Variants in DRC11 observed in about 807,000 individuals in gnomAD.
The protein encoded by DRC11 is IQ and AAA domain-containing protein 1.
At chr2:236,343,480 A>G in the DRC11 span, among the ~76,000 whole-genome samples, 1 of 152,236 alleles carries the variant, frequency 6.6e-6, no homozygotes, top group Non-Finnish European at 1.5e-5. The surrounding 1 kb of genome is among the most constrained non-coding windows in gnomAD (Gnocchi z 6.6). Context: ...ACACACAGCC[A>G]GCTGTGTGAA....
chr2:236,370,484 C>T, the DRC11 span, among the ~76,000 whole-genome samples: 2 of 152,050 alleles, frequency 1.3e-5, no homozygotes, highest in African/African-American at 2.4e-5. This position sits in a 1 kb window ranked among gnomAD's most constrained non-coding sequence, Gnocchi z 5.5. Flanking sequence ...CCCTGAGCAG[C>T]GGGCATCCAG....
chr2:236,444,831 G>A, the DRC11 span, among the ~76,000 whole-genome samples: 3 of 152,220 alleles, frequency 2.0e-5, no homozygotes, highest in Non-Finnish European at 2.9e-5. Context: ...GATTCTAGAT[G>A]CAGTGATGGG....
the DRC11 span, among the ~76,000 whole-genome samples, chr2:236,417,573 T>C: frequency 6.6e-6 from 1 of 150,988 alleles, no homozygotes; most frequent in African/African-American, 2.4e-5. Context: ...TTTTTTTTTT[T>C]ATATTACTTT....
the DRC11 span, among the ~76,000 whole-genome samples, chr2:236,487,745 T>C: frequency 2.0e-5 from 3 of 152,256 alleles, no homozygotes; most frequent in African/African-American, 7.2e-5. Flanking sequence ...ATTTCAACAA[T>C]TACCAATGGT....
the DRC11 span, chr2:236,503,550 G>C: frequency 3.0e-6 from 4 of 1,321,746 alleles, no homozygotes; most frequent in Admixed American, 3.9e-5. This position sits in a 1 kb window ranked among gnomAD's most constrained non-coding sequence, Gnocchi z 4.9. Flanking sequence ...GGGAATCCCT[G>C]TCTGGGGGAG....
the DRC11 span, among the ~76,000 whole-genome samples, chr2:236,501,127 A>G: frequency 6.6e-6 from 1 of 152,172 alleles, no homozygotes; most frequent in African/African-American, 2.4e-5. Flanking sequence ...GCAAAGTGGG[A>G]GCAGGCATCT....
the DRC11 span, among the ~76,000 whole-genome samples, chr2:236,410,077 G>T: frequency 4.8e-4 from 73 of 151,570 alleles, no homozygotes; most frequent in African/African-American, 1.5e-3. Context: ...TCTCTTTTTT[G>T]GTTGTGTCTC....
the DRC11 span, among the ~76,000 whole-genome samples, chr2:236,379,914 C>G: frequency 6.6e-6 from 1 of 152,140 alleles, no homozygotes; most frequent in Admixed American, 6.5e-5. Flanking sequence ...GAACCCCCAA[C>G]AGTGGAGCGA....
chr2:236,380,719 TTCTGGGG>T, the DRC11 span: 11 of 1,022,356 alleles, frequency 1.1e-5, no homozygotes, highest in Non-Finnish European at 1.6e-5. The surrounding 1 kb of genome is among the most constrained non-coding windows in gnomAD (Gnocchi z 4.9). Flanking sequence ...GCACGTTGTT[TTCTGGGG>T]GTGGTGGGAG....
chr2:236,439,426 T>C, the DRC11 span, among the ~76,000 whole-genome samples: 9 of 152,214 alleles, frequency 5.9e-5, 1 homozygote, highest in Middle Eastern at 6.3e-3. Flanking sequence ...TTGATTTTAA[T>C]TGGAATTGCA....
At chr2:236,378,209 A>C in the DRC11 span, among the ~76,000 whole-genome samples, 1 of 152,210 alleles carries the variant, frequency 6.6e-6, no homozygotes, top group African/African-American at 2.4e-5. Flanking sequence ...GCTGAAAGTT[A>C]AGAAATATTT....
At chr2:236,315,398 G>A in the DRC11 span, among the ~76,000 whole-genome samples, 10 of 152,322 alleles carry the variant, frequency 6.6e-5, no homozygotes, top group Admixed American at 1.3e-4. The surrounding 1 kb of genome is among the most constrained non-coding windows in gnomAD (Gnocchi z 5.1). Context: ...TTTTTACACC[G>A]TTGGTGGGAA....
the DRC11 span, among the ~76,000 whole-genome samples, chr2:236,419,946 T>C: frequency 3.3e-5 from 5 of 152,132 alleles, no homozygotes; most frequent in East Asian, 7.7e-4. The surrounding 1 kb of genome is among the most constrained non-coding windows in gnomAD (Gnocchi z 4.8). Context: ...TTCCAGGAGA[T>C]ATAAAGGTGA....
chr2:236,433,793 A>G, the DRC11 span, among the ~76,000 whole-genome samples: 1 of 152,236 alleles, frequency 6.6e-6, no homozygotes, highest in Non-Finnish European at 1.5e-5. Context: ...ACAATGGTAA[A>G]TAATAGTGGT....
At chr2:236,331,641 A>G in the DRC11 span, 2 of 1,427,276 alleles carry the variant, frequency 1.4e-6, no homozygotes, top group South Asian at 1.2e-5. This position sits in a 1 kb window ranked among gnomAD's most constrained non-coding sequence, Gnocchi z 4.8. Flanking sequence ...GTTACCACAG[A>G]GAAATCAGTG....
the DRC11 span, chr2:236,488,244 T>C: frequency 6.0e-6 from 8 of 1,333,996 alleles, no homozygotes; most frequent in South Asian, 4.5e-5. Context: ...ACCACATCAA[T>C]TGATCCCAGA....
chr2:236,398,974 T>C, the DRC11 span, among the ~76,000 whole-genome samples: 1 of 152,112 alleles, frequency 6.6e-6, no homozygotes, highest in Non-Finnish European at 1.5e-5. The surrounding 1 kb of genome is among the most constrained non-coding windows in gnomAD (Gnocchi z 6.2). Flanking sequence ...AATTGTATGC[T>C]TAAGGCCACC....
chr2:236,379,217 C>T, the DRC11 span, among the ~76,000 whole-genome samples: 533 of 152,204 alleles, frequency 3.5e-3, 2 homozygotes, highest in African/African-American at 0.012. Context: ...AAGCAGGAAC[C>T]CCCAAACAGG....
the DRC11 span, among the ~76,000 whole-genome samples, chr2:236,341,835 C>A: frequency 1.3e-5 from 2 of 152,174 alleles, no homozygotes; most frequent in Non-Finnish European, 2.9e-5. Flanking sequence ...TTCTGGGAGC[C>A]TTTGTTCTCT....
Sources: allele counts gnomAD v4.1 joint callset (sites outside exome capture counted in the v4.1 genomes callset), GRCh38; gene constraint gnomAD v4.1.1; non-coding constraint Gnocchi (gnomAD v3.1); transcripts MANE v1.5; gene names NCBI Gene and HGNC (gene_info 2026-07-23, HGNC 2026-07-21).